UBR1: variants seen among roughly 807,000 people sequenced by gnomAD.
The protein encoded by UBR1 is E3 ubiquitin-protein ligase UBR1.
In UBR1, 102 loss-of-function variants were observed where a neutral mutation model predicts 242.1. The ratio of observed to expected loss-of-function variants is 0.42; its 90% CI spans 0.36 to 0.50. The LOEUF (loss-of-function observed/expected upper bound fraction) is 0.50. Ranked by LOEUF, UBR1 falls within the 20% of genes least tolerant of loss-of-function variation. UBR1 has a pLI of 0.01. For missense variants in UBR1, 1,772 were observed against 2,101.8 expected, an observed-to-expected ratio of 0.84 and a Z score of 3.07; for synonymous variants, 675 against 684.8, an observed-to-expected ratio of 0.99 and a Z score of 0.22.
chr15:42,997,887 A>G (rs2032664342), intron 33 of UBR1, among the ~76,000 whole-genome samples: 1 of 152,234 alleles, frequency 6.6e-6, no homozygotes. Context: ...ATTTAGATGA[A>G]TCTTGGATCT....
At chr15:43,058,179 G>A (rs113011052) in intron 10 of UBR1, among the ~76,000 whole-genome samples, 162 bp downstream of exon 10, 5 of 152,088 alleles carry the variant, frequency 3.3e-5, no homozygotes, top group African/African-American at 1.2e-4. Context: ...CAAAGTGCTG[G>A]GATTACAGGC....
intron 41 of UBR1, among the ~76,000 whole-genome samples, chr15:42,965,615 C>A (rs1015402380): frequency 1.3e-5 from 2 of 152,020 alleles, no homozygotes; most frequent in Non-Finnish European, 2.9e-5. Context: ...AGGCAATATG[C>A]CACCATGCCC....
chr15:43,063,924 C>T (rs748827562), intron 6 of UBR1, among the ~76,000 whole-genome samples: 162 of 152,190 alleles, frequency 1.1e-3, no homozygotes, highest in Non-Finnish European at 1.5e-3. Context: ...CTAGTAGGGA[C>T]GGCGTTTCTC....
chr15:43,052,409 A>G (rs1363598162), intron 12 of UBR1, among the ~76,000 whole-genome samples: 1 of 152,234 alleles, frequency 6.6e-6, no homozygotes, highest in East Asian at 1.9e-4. Context: ...AGAGTTCAAT[A>G]TACAATAGGA....
chr15:43,026,657 T>C lies in UBR1; in HGVS notation c.2439A>G (p.Pro813=), dbSNP rs754881402. The change falls in exon 23 of 47, where the codon CCA becomes CCG. Residue 813 remains proline (P), a synonymous_variant. Transcript: ENST00000290650. Reference sequence around the variant, plus strand: ...CATAAACTCCATGGCCTGATACACCTGGTTTCCTAAATAGATGGAAAATAC... The same window carrying C: ...CATAAACTCCATGGCCTGATACACCCGGTTTCCTAAATAGATGGAAAATAC... ...VINKVATFKK[P]GVSGHGVYEL... 39 of 1,612,074 alleles carry C rather than the reference T, an allele frequency of 2.4e-5. No homozygotes were observed. Among genetic ancestry groups the C allele is most frequent in the Non-Finnish European group, 3.1e-5 (37 of 1,179,270 alleles).
intron 9 of UBR1, among the ~76,000 whole-genome samples, chr15:43,058,704 C>T (rs555542409): frequency 6.6e-6 from 1 of 152,174 alleles, no homozygotes; most frequent in Admixed American, 6.5e-5. Context: ...TTTCACTGTA[C>T]TTTTCCTTCT....
At chr15:43,105,837 T>A in intron 1 of UBR1, 105 bp downstream of exon 1, 1 of 1,110,238 alleles carries the variant, frequency 9.0e-7, no homozygotes, top group Admixed American at 1.9e-5. Flanking sequence ...TCCAGATAAC[T>A]CCCCCTCCCC....
chr15:42,955,472 T>C (rs1256449219), intron 44 of UBR1, among the ~76,000 whole-genome samples: 2 of 152,210 alleles, frequency 1.3e-5, no homozygotes, highest in Non-Finnish European at 2.9e-5. Flanking sequence ...TACTAGTAAA[T>C]CAATAAAGTC....
At chr15:43,025,308 A>C in intron 24 of UBR1, 73 bp downstream of exon 24, 1 of 1,466,630 alleles carries the variant, frequency 6.8e-7, no homozygotes, top group Non-Finnish European at 9.4e-7. Flanking sequence ...CAACAACAAA[A>C]AACTATATGC....
chr15:42,981,093 T>A (rs1256302983), intron 37 of UBR1, among the ~76,000 whole-genome samples: 2 of 152,154 alleles, frequency 1.3e-5, no homozygotes, highest in Non-Finnish European at 2.9e-5. Flanking sequence ...GATGCATATG[T>A]TACCTCTAAT....
chr15:42,945,284 T>G lies in UBR1; in HGVS notation c.*45A>C. 6.2e-7 allele frequency: 1 copy of G among 1,613,936 alleles called. No homozygotes were observed. The highest frequency in any genetic ancestry group is 8.5e-7 in the Non-Finnish European group (1 of 1,179,898). ...GTTTTCCATAATTTTGAATCAGCCT[T>G]TACTACTGTCGTCATTTGTGATTGT... On this transcript the variant is annotated 3_prime_UTR_variant, in exon 47 of 47. Transcript: ENST00000290650.
intron 43 of UBR1, among the ~76,000 whole-genome samples, chr15:42,958,568 T>A (rs1210098767): frequency 6.6e-6 from 1 of 152,160 alleles, no homozygotes; most frequent in Non-Finnish European, 1.5e-5. Flanking sequence ...AATGAACTTA[T>A]CAATTAAAAG....
intron 10 of UBR1, among the ~76,000 whole-genome samples, chr15:43,057,908 G>A (rs888156894): frequency 3.3e-5 from 5 of 151,192 alleles, no homozygotes; most frequent in Non-Finnish European, 7.4e-5. Context: ...GTATGAGAAC[G>A]AACTTTTTTT....
chr15:42,956,169 C>T (rs1197083008), intron 44 of UBR1, among the ~76,000 whole-genome samples: 1 of 152,192 alleles, frequency 6.6e-6, no homozygotes, highest in African/African-American at 2.4e-5. Context: ...TAATGGGCTT[C>T]CATGTAAGAT....
chr15:42,948,733 T>C (rs1169708994), intron 46 of UBR1, among the ~76,000 whole-genome samples: 1 of 152,172 alleles, frequency 6.6e-6, no homozygotes, highest in African/African-American at 2.4e-5. Context: ...CACAATGAGA[T>C]ACCACCTCAC....
chr15:43,005,489 G>A (rs948705345), intron 30 of UBR1, among the ~76,000 whole-genome samples: 23 of 151,576 alleles, frequency 1.5e-4, no homozygotes, highest in African/African-American at 5.6e-4. Context: ...CCCCTGCCCA[G>A]CCAGCCGCTC....
rs148254554 is a variant in UBR1, at chr15:43,058,356, A to T, written c.1167T>A (p.Ala389=). The change falls in exon 10 of 47, where the codon GCT becomes GCA. Residue 389 remains alanine (A), a synonymous_variant. Transcript: ENST00000290650. ...AAATAATTACCTTCACAAATTCCATAGCAAAGAGTTTTTTGTATTCCATCT... is the reference window on the plus strand; with the variant it reads ...AAATAATTACCTTCACAAATTCCATTGCAAAGAGTTTTTTGTATTCCATCT... ...FMEMEYKKLF[A]MEFVKYYKQL... is the part of the protein sequence containing the mutation. 1.4e-5 allele frequency: 22 copies of T among 1,606,942 alleles called. No individual in the cohort carries two copies. Among genetic ancestry groups the T allele is most frequent in the Non-Finnish European group, 1.9e-5 (22 of 1,175,452 alleles).
intron 6 of UBR1, 119 bp from the exon 7 acceptor site, chr15:43,060,233 G>T: frequency 1.1e-6 from 1 of 940,072 alleles, no homozygotes; most frequent in Non-Finnish European, 1.8e-6. Context: ...TTGACTAAAA[G>T]TTGTAAGATA....
intron 29 of UBR1, among the ~76,000 whole-genome samples, chr15:43,011,018 A>C (rs927382941): frequency 2.0e-5 from 3 of 151,822 alleles, no homozygotes; most frequent in African/African-American, 7.3e-5. Flanking sequence ...CTATGTAATT[A>C]AAATTTTAGC....
Sources: allele counts gnomAD v4.1 joint callset (sites outside exome capture counted in the v4.1 genomes callset), GRCh38; gene constraint gnomAD v4.1.1; transcripts MANE v1.5; gene names NCBI Gene and HGNC (gene_info 2026-07-23, HGNC 2026-07-21).